The following RIMBP2 variants were observed in gnomAD, a reference collection of about 807,000 sequenced individuals.
RIMBP2 encodes RIMS-binding protein 2.
RIMBP2 carries 48 observed loss-of-function variants against 118.6 expected under a neutral mutation model. The ratio of observed to expected loss-of-function variants is 0.40; its 90% CI spans 0.32 to 0.51. The LOEUF (loss-of-function observed/expected upper bound fraction) is 0.51. Among genes scored for constraint, RIMBP2 ranks in the 20% least tolerant of loss-of-function variants. The pLI is 0.41. For synonymous variants in RIMBP2, 762 were observed against 742.9 expected (o/e 1.03, Z -0.42); for missense variants, 1,551 against 1,768.3 (o/e 0.88, Z 2.20).
chr12:130,600,048 AC>A (rs1483958841), intron 2 of RIMBP2, among the ~76,000 whole-genome samples: 1 of 152,096 alleles, frequency 6.6e-6, no homozygotes, highest in Non-Finnish European at 1.5e-5. Flanking sequence ...CTCTGCCTCC[AC>A]CTTTCTAGTC....
At chr12:130,503,693 T>C (rs2050027213) in intron 4 of RIMBP2, among the ~76,000 whole-genome samples, 1 of 152,258 alleles carries the variant, frequency 6.6e-6, no homozygotes, top group South Asian at 2.1e-4. Context: ...TTTGTTTTGC[T>C]GGGGAAGCAG....
chr12:130,712,354 C>A (rs2136902048), intron 1 of RIMBP2, among the ~76,000 whole-genome samples: 1 of 152,256 alleles, frequency 6.6e-6, no homozygotes, highest in East Asian at 1.9e-4. Context: ...TAATTTCTTT[C>A]TTTATATCCT....
At chr12:130,596,016 A>T (rs1310634040) in intron 2 of RIMBP2, among the ~76,000 whole-genome samples, 1 of 152,222 alleles carries the variant, frequency 6.6e-6, no homozygotes, top group Non-Finnish European at 1.5e-5. Flanking sequence ...GCCAAGAAGT[A>T]TGGTAGAAAG....
At chr12:130,685,864 G>A (rs1339488311) in intron 1 of RIMBP2, among the ~76,000 whole-genome samples, 1 of 152,132 alleles carries the variant, frequency 6.6e-6, no homozygotes, top group Non-Finnish European at 1.5e-5. Context: ...GTGTCCGCTG[G>A]TGGACCAGAA....
intron 4 of RIMBP2, among the ~76,000 whole-genome samples, chr12:130,488,676 C>T (rs1247455610): frequency 6.6e-6 from 1 of 151,294 alleles, no homozygotes; most frequent in Non-Finnish European, 1.5e-5. Flanking sequence ...ATCACTAACC[C>T]TCTATTTCTC....
chr12:130,440,151 G>A (rs1472285419), intron 11 of RIMBP2, among the ~76,000 whole-genome samples: 1 of 111,504 alleles, frequency 9.0e-6, no homozygotes, highest in Non-Finnish European at 1.8e-5. Context: ...CCCGGGCATG[G>A]CTAACCCTGG....
chr12:130,601,610 A>G (rs1048442594), intron 2 of RIMBP2, among the ~76,000 whole-genome samples: 5 of 152,168 alleles, frequency 3.3e-5, no homozygotes, highest in African/African-American at 1.2e-4. Context: ...TCTGTAATGC[A>G]ATTATCTTCC....
intron 2 of RIMBP2, among the ~76,000 whole-genome samples, chr12:130,570,172 CTAGCACTT>C (rs1341736318): frequency 1.3e-5 from 2 of 152,100 alleles, no homozygotes; most frequent in Non-Finnish European, 2.9e-5. Flanking sequence ...ACCTGTAATC[CTAGCACTT>C]TAGGATGCCA....
At chr12:130,486,178 C>T (rs898244999) in intron 4 of RIMBP2, among the ~76,000 whole-genome samples, 7 of 152,134 alleles carry the variant, frequency 4.6e-5, no homozygotes, top group Non-Finnish European at 5.9e-5. Context: ...CTAAGGCAGC[C>T]GAGGAGTCCC....
intron 2 of RIMBP2, among the ~76,000 whole-genome samples, chr12:130,589,266 C>T (rs2059111446): frequency 6.6e-6 from 1 of 152,212 alleles, no homozygotes. Flanking sequence ...AACACACACA[C>T]CTTCACAAGT....
intron 5 of RIMBP2, among the ~76,000 whole-genome samples, chr12:130,473,520 C>T (rs1018913202): frequency 1.3e-5 from 2 of 152,194 alleles, no homozygotes; most frequent in African/African-American, 4.8e-5. Flanking sequence ...GGGCACAGAG[C>T]AATAGGCCGT....
intron 2 of RIMBP2, among the ~76,000 whole-genome samples, chr12:130,606,005 T>C (rs1387895877): frequency 6.6e-6 from 1 of 151,860 alleles, no homozygotes; most frequent in Non-Finnish European, 1.5e-5. Flanking sequence ...GAGGCAGAGG[T>C]TGCAGTAAGC....
rs143101706 is a variant in RIMBP2, at chr12:130,544,500, A to C, written c.-216-26583T>G. Among the ~76,000 whole-genome samples, 5 of 151,420 alleles carry C rather than the reference A, an allele frequency of 3.3e-5. No individual in the cohort carries two copies. The South Asian group carries it at 1.0e-3, about 32-fold the overall frequency. On this transcript the variant is annotated intron_variant, in intron 2 of 22. Transcript: ENST00000690449. ...CCTCTCCCTGCTTCTCACTCCTTTT[A>C]GCATCTTAGCACGCTGGTCATGTTT...
At chr12:130,421,691 ATGTGTG>A (rs35161782) in intron 17 of RIMBP2, among the ~76,000 whole-genome samples, 50 of 147,282 alleles carry the variant, frequency 3.4e-4, no homozygotes, top group Admixed American at 1.4e-3. Context: ...CTGCATTTAT[ATGTGTG>A]TGTGTGTGTG....
chr12:130,614,898 T>C (rs1292064961), intron 2 of RIMBP2, among the ~76,000 whole-genome samples: 1 of 149,310 alleles, frequency 6.7e-6, no homozygotes, highest in Admixed American at 6.7e-5. Flanking sequence ...ATATTTTATA[T>C]GTACTTTACA....
At chr12:130,614,621 G>A (rs375965037) in intron 2 of RIMBP2, among the ~76,000 whole-genome samples, 11 of 152,126 alleles carry the variant, frequency 7.2e-5, no homozygotes, top group East Asian at 3.9e-4. Flanking sequence ...ATAAGAATGC[G>A]CACATGAAGA....
At chr12:130,417,225 TGCCATTACTGGGTATATACC>T (rs1346789186) in intron 17 of RIMBP2, among the ~76,000 whole-genome samples, 2 of 152,142 alleles carry the variant, frequency 1.3e-5, no homozygotes, top group Non-Finnish European at 2.9e-5. Flanking sequence ...GACACACCAG[TGCCATTACTGGGTATATACC>T]CAAAGGAAAA....
intron 4 of RIMBP2, among the ~76,000 whole-genome samples, chr12:130,483,936 T>C (rs1040241664): frequency 1.3e-5 from 2 of 151,434 alleles, no homozygotes; most frequent in Admixed American, 6.6e-5. Flanking sequence ...TGTCCCCGCC[T>C]AGATGTGTCC....
intron 14 of RIMBP2, chr12:130,428,927 C>A (rs1294516387): frequency 1.3e-5 from 2 of 152,328 alleles, no homozygotes; most frequent in African/African-American, 4.8e-5. Context: ...GAAAACCCAT[C>A]TCTACTAAAA....
Sources: allele counts gnomAD v4.1 joint callset (sites outside exome capture counted in the v4.1 genomes callset), GRCh38; gene constraint gnomAD v4.1.1; transcripts MANE v1.5; gene names NCBI Gene and HGNC (gene_info 2026-07-23, HGNC 2026-07-21).